Variants in DHX29 observed in about 807,000 individuals in gnomAD.
DHX29 encodes ATP-dependent RNA helicase DHX29.
DHX29 carries 79 observed loss-of-function variants against 167.9 expected under a neutral mutation model. That is an observed-to-expected ratio of 0.47 (90% CI 0.39 to 0.57). The LOEUF is 0.57. Among genes scored for constraint, DHX29 ranks in the 20% least tolerant of loss-of-function variants. The pLI, the probability that DHX29 is intolerant of heterozygous loss-of-function variation, is 0.00. For synonymous variants in DHX29, 530 were observed against 546.0 expected, an observed-to-expected ratio of 0.97 and a Z score of 0.41; for missense variants, 1,347 against 1,593.4, an observed-to-expected ratio of 0.85 and a Z score of 2.63.
chr5:55,280,106 T>TA (rs565985486), intron 12 of DHX29, among the ~76,000 whole-genome samples: 39 of 152,262 alleles, frequency 2.6e-4, no homozygotes, highest in African/African-American at 9.4e-4. Context: ...GAGGGTCCTG[T>TA]ATAATGTCAT....
chr5:55,262,869 T>C lies in DHX29; in HGVS notation c.3589A>G (p.Thr1197Ala), dbSNP rs776676428. ...GAGGCTCTGTTTCCTTCCCAGCTGG[T>C]AGAAGTTGTGGAAGATGAAAATCCT... ...AAGFSSSTTS[T>A]SWEGNRASQT... The change falls in exon 24 of 27, where the codon ACC becomes GCC. Residue 1197 changes from threonine (T) to alanine (A), a missense_variant. Thr to Ala is a moderately conservative substitution (Grantham distance 58). Transcript: ENST00000251636. 4 of 1,613,812 alleles carry C rather than the reference T, an allele frequency of 2.5e-6. No homozygotes were observed. The African/African-American group carries it at 5.3e-5, about 22-fold the overall frequency.
At chr5:55,304,306 TCA>T (rs1488680007) in intron 1 of DHX29, among the ~76,000 whole-genome samples, 1 of 143,452 alleles carries the variant, frequency 7.0e-6, no homozygotes, top group East Asian at 2.1e-4. Flanking sequence ...TGCTCAAATG[TCA>T]CTTTTTTTTT....
chr5:55,262,964 T>C, intron 23 of DHX29, 32 bp from the exon 24 acceptor site: 1 of 1,485,858 alleles, frequency 6.7e-7, no homozygotes, highest in East Asian at 2.3e-5. Context: ...ACACAAATAA[T>C]CAAATTGATT....
intron 8 of DHX29, among the ~76,000 whole-genome samples, chr5:55,287,733 G>A (rs1368181116): frequency 3.9e-5 from 6 of 151,912 alleles, no homozygotes; most frequent in South Asian, 2.1e-4. Context: ...CAGATCACCC[G>A]AAGTCAGGAG....
intron 26 of DHX29, among the ~76,000 whole-genome samples, chr5:55,258,439 T>TA (rs983926017): frequency 1.9e-4 from 29 of 152,312 alleles, no homozygotes; most frequent in African/African-American, 6.0e-4. Context: ...ATAAAATATT[T>TA]AAAAAATAAT....
At chr5:55,285,584 A>G (rs1308632762) in intron 9 of DHX29, 112 bp downstream of exon 9, 2 of 1,290,444 alleles carry the variant, frequency 1.5e-6, no homozygotes, top group African/African-American at 3.0e-5. Flanking sequence ...GAGATGTAGA[A>G]TTGAGAGCTT....
intron 23 of DHX29, among the ~76,000 whole-genome samples, chr5:55,263,909 G>C (rs1443702236): frequency 6.6e-6 from 1 of 151,062 alleles, no homozygotes; most frequent in East Asian, 2.0e-4. Context: ...AAAGCAGTGT[G>C]TCAAATATGG....
chr5:55,293,919 C>A, intron 6 of DHX29, 98 bp downstream of exon 6: 1 of 1,358,106 alleles, frequency 7.4e-7, no homozygotes, highest in Non-Finnish European at 1.0e-6. Flanking sequence ...CTTGGAGGTA[C>A]ATTTCCAATT....
intron 12 of DHX29, 115 bp downstream of exon 12, chr5:55,281,257 T>C (rs1747396501): frequency 2.6e-6 from 2 of 768,710 alleles, no homozygotes; most frequent in Admixed American, 8.5e-5. Context: ...TTATTATATA[T>C]AAGGTATATA....
Position 55,256,475 on chromosome 5 carries a change from A to G in DHX29, c.*13T>C. ...ATCTTAATTTTTAAAGCAGTTGACC[A>G]TGAATTTCAGTTTCAGTTATTCTCT... On this transcript the variant is annotated 3_prime_UTR_variant, in exon 27 of 27. Coordinates refer to ENST00000251636, the MANE Select transcript of DHX29 (RefSeq NM_019030.4). The G allele has an allele frequency of 1.9e-6, 3 of 1,586,742 alleles. No individual in the cohort carries two copies. The highest frequency in any genetic ancestry group is 2.6e-6 in the Non-Finnish European group (3 of 1,169,830).
chr5:55,287,589 T>TAAA (rs1049864571), intron 8 of DHX29, among the ~76,000 whole-genome samples: 51 of 152,082 alleles, frequency 3.4e-4, no homozygotes, highest in African/African-American at 1.2e-3. Flanking sequence ...AATTTTTTTT[T>TAAA]AAAAAAACAA....
chr5:55,271,216 G>A (rs1385790521), intron 18 of DHX29, among the ~76,000 whole-genome samples: 1 of 152,202 alleles, frequency 6.6e-6, no homozygotes, highest in Non-Finnish European at 1.5e-5. Context: ...AATTACTAAA[G>A]GTGGTCTGTC....
chr5:55,275,747 ATGT>A (rs1747075695), intron 14 of DHX29, among the ~76,000 whole-genome samples: 1 of 151,810 alleles, frequency 6.6e-6, no homozygotes, highest in Non-Finnish European at 1.5e-5. Flanking sequence ...GTATGTATGT[ATGT>A]ATGTATGTAT....
At chr5:55,299,438 T>C (rs566283194) in intron 1 of DHX29, among the ~76,000 whole-genome samples, 1 of 152,286 alleles carries the variant, frequency 6.6e-6, no homozygotes, top group Non-Finnish European at 1.5e-5. Flanking sequence ...AGGGTTGCTA[T>C]AGTTTCCTAG....
chr5:55,269,700 T>A, intron 20 of DHX29, 63 bp from the exon 21 acceptor site: 1 of 1,357,754 alleles, frequency 7.4e-7, no homozygotes, highest in Middle Eastern at 1.9e-4. Context: ...CCCAATGAGA[T>A]GTTAGTGGAA....
chr5:55,294,509 C>A (rs948731642), intron 5 of DHX29, among the ~76,000 whole-genome samples: 3 of 152,154 alleles, frequency 2.0e-5, no homozygotes, highest in African/African-American at 7.2e-5. Flanking sequence ...CCCATCTCTA[C>A]TAAAAATACA....
chr5:55,295,277 G>A (rs1579813131), intron 5 of DHX29, 102 bp downstream of exon 5: 6 of 892,218 alleles, frequency 6.7e-6, no homozygotes, highest in East Asian at 2.5e-5. Context: ...TTATTTGTAA[G>A]AAGTAAAAAT....
At chr5:55,270,338 G>A (rs1746789142) in intron 20 of DHX29, 74 bp downstream of exon 20, 2 of 1,460,448 alleles carry the variant, frequency 1.4e-6, no homozygotes, top group South Asian at 2.8e-5. Flanking sequence ...TATAAGGTAA[G>A]TTTAGGTGTT....
At position 55,289,332 on chromosome 5, in the gene DHX29, CCTT is replaced by C. The variant is rs769461982; in HGVS notation, c.1001_1003del (p.Glu334del). 12 of 1,598,908 alleles carry C rather than the reference CCTT, an allele frequency of 7.5e-6. No homozygotes were observed. The highest frequency in any genetic ancestry group is 1.0e-5 in the Non-Finnish European group (12 of 1,175,112). ...TAAATTAAAATTCAATGCACTTTCT[CCTT>C]CTGTGGCTACAGGAGGCTTTTTCCT... is the stretch of plus-strand genomic sequence containing the variant. On this transcript the variant is annotated inframe_deletion, in exon 8 of 27. Transcript: ENST00000251636.
Sources: allele counts gnomAD v4.1 joint callset (sites outside exome capture counted in the v4.1 genomes callset), GRCh38; gene constraint gnomAD v4.1.1; transcripts MANE v1.5; gene names NCBI Gene and HGNC (gene_info 2026-07-23, HGNC 2026-07-21).